CNOT1: variants seen among roughly 807,000 people sequenced by gnomAD.
The protein encoded by CNOT1 is CCR4-NOT transcription complex subunit 1, also known as CCR4-associated factor 1.
A neutral mutation model predicts 273.8 loss-of-function variants in CNOT1; 15 were observed. The observed-to-expected ratio is 0.05, with a 90% CI of 0.04 to 0.08. The LOEUF (loss-of-function observed/expected upper bound fraction) is 0.08. CNOT1 is among the 10% of genes least tolerant of loss of function. CNOT1 has a pLI of 1.00. For synonymous variants in CNOT1, 1,022 were observed against 1,005.5 expected, an observed-to-expected ratio of 1.02 and a Z score of -0.31; for missense variants, 1,644 against 2,912.2, an observed-to-expected ratio of 0.56 and a Z score of 10.02.
chr16:58,556,536 TA>T (rs576314282), intron 19 of CNOT1, among the ~76,000 whole-genome samples: 2 of 151,970 alleles, frequency 1.3e-5, no homozygotes, highest in East Asian at 3.9e-4. Flanking sequence ...TGACTTGCTT[TA>T]AAAAAAACTC....
intron 1 of CNOT1, among the ~76,000 whole-genome samples, chr16:58,627,236 G>T (rs747492752): frequency 6.6e-6 from 1 of 151,696 alleles, no homozygotes; most frequent in African/African-American, 2.4e-5. Flanking sequence ...GTGAAACCCT[G>T]TCTCTATTAA....
intron 16 of CNOT1, among the ~76,000 whole-genome samples, chr16:58,561,966 G>A (rs746039751): frequency 3.8e-4 from 58 of 152,072 alleles, no homozygotes; most frequent in Non-Finnish European, 7.5e-4. Flanking sequence ...CCTGAAGTCA[G>A]AAACTCAGGT....
chr16:58,591,209 C>G (rs1033158889), intron 2 of CNOT1, among the ~76,000 whole-genome samples: 2 of 152,130 alleles, frequency 1.3e-5, no homozygotes, highest in Non-Finnish European at 2.9e-5. Flanking sequence ...AGGGCCAGAT[C>G]ATGGTTAATG....
At chr16:58,605,364 G>A (rs759359877) in intron 1 of CNOT1, among the ~76,000 whole-genome samples, 3 of 152,020 alleles carry the variant, frequency 2.0e-5, no homozygotes, top group Non-Finnish European at 2.9e-5. Context: ...TTGGCCGGGT[G>A]TGGTGGTGCA....
At chr16:58,607,269 G>T (rs1002015471) in intron 1 of CNOT1, among the ~76,000 whole-genome samples, 3 of 152,172 alleles carry the variant, frequency 2.0e-5, no homozygotes, top group African/African-American at 7.2e-5. Context: ...CATGAAAGAT[G>T]GCTGGCCAGG....
At chr16:58,523,575 G>A in intron 46 of CNOT1, 73 bp from the exon 47 acceptor site, 2 of 1,438,034 alleles carry the variant, frequency 1.4e-6, no homozygotes, top group Non-Finnish European at 1.9e-6. Context: ...TAACTGGCTA[G>A]GGTTTGGGTT....
chr16:58,625,593 A>C (rs962238899), intron 1 of CNOT1, among the ~76,000 whole-genome samples: 1 of 152,114 alleles, frequency 6.6e-6, no homozygotes, highest in African/African-American at 2.4e-5. Context: ...CTGAGGCAGG[A>C]GAATCACTTG....
intron 18 of CNOT1, among the ~76,000 whole-genome samples, chr16:58,557,443 G>C (rs2040668431): frequency 6.6e-6 from 1 of 152,102 alleles, no homozygotes; most frequent in Admixed American, 6.5e-5. Context: ...TTGCTAGGAA[G>C]GCCTTAATAA....
intron 1 of CNOT1, among the ~76,000 whole-genome samples, chr16:58,605,595 A>T (rs931868497): frequency 1.3e-5 from 2 of 152,174 alleles, no homozygotes; most frequent in African/African-American, 4.8e-5. Context: ...TCAACATGGG[A>T]AACAACTATA....
Position 58,628,965 on chromosome 16 carries a change from A to G in CNOT1, c.-175+763T>C, listed in dbSNP as rs1414590324. ...GTGGATCTTATCAGCCTTGAGGCCT[A>G]CAAGTGCTCAGCTCACTAGCGGGAC... On this transcript the variant is annotated intron_variant, in intron 1 of 48. Transcript: ENST00000317147. 2.0e-5 allele frequency among the ~76,000 whole-genome samples: 3 copies of G among 152,244 alleles called. No individual in the cohort carries two copies. The South Asian group carries it at 6.2e-4, about 31-fold the overall frequency.
At chr16:58,589,618 C>A (rs1265572306) in intron 2 of CNOT1, among the ~76,000 whole-genome samples, 1 of 152,164 alleles carries the variant, frequency 6.6e-6, no homozygotes, top group Admixed American at 6.5e-5. Context: ...AACATCTACA[C>A]CAAAAACACC....
rs149959647 is a variant in CNOT1, at chr16:58,617,453, C to T, written c.-175+12275G>A. On this transcript the variant is annotated intron_variant, in intron 1 of 48. Coordinates refer to ENST00000317147, the MANE Select transcript of CNOT1 (RefSeq NM_016284.5). ...ATCCCAAATTTGAAAATCCAAAGTTCGAAAGACTCCAAAATCCAAAATGTT... is the reference window on the plus strand; with the variant it reads ...ATCCCAAATTTGAAAATCCAAAGTTTGAAAGACTCCAAAATCCAAAATGTT... Among the ~76,000 whole-genome samples the T allele has an allele frequency of 4.4e-3, 666 of 151,920 alleles. 16 individuals carry two copies. The highest frequency in any genetic ancestry group is 5.6e-3 in the East Asian group (29 of 5,166).
intron 16 of CNOT1, among the ~76,000 whole-genome samples, chr16:58,573,375 T>C (rs1358728698): frequency 1.3e-5 from 2 of 151,526 alleles, no homozygotes; most frequent in Non-Finnish European, 2.9e-5. Flanking sequence ...ACATCCCAGA[T>C]TCACGGATTA....
intron 42 of CNOT1, 140 bp downstream of exon 42, chr16:58,531,817 TG>T (rs1597405116): frequency 1.0e-6 from 1 of 1,003,612 alleles, no homozygotes; most frequent in East Asian, 2.6e-5. Context: ...TTGACTTGAG[TG>T]AACACTAAAT....
chr16:58,545,937 G>A (rs2040245464), intron 29 of CNOT1, among the ~76,000 whole-genome samples: 1 of 152,162 alleles, frequency 6.6e-6, no homozygotes. Flanking sequence ...TCTTCATGTA[G>A]ATAAAACAGT....
intron 44 of CNOT1, among the ~76,000 whole-genome samples, chr16:58,526,498 C>A (rs1316341705): frequency 7.5e-6 from 1 of 133,950 alleles, no homozygotes; most frequent in African/African-American, 2.9e-5. Context: ...GACCAGACAT[C>A]ACACTTACTC....
intron 25 of CNOT1, among the ~76,000 whole-genome samples, chr16:58,549,341 T>C (rs1478843768): frequency 7.1e-6 from 1 of 140,640 alleles, no homozygotes; most frequent in East Asian, 2.0e-4. Flanking sequence ...ATTATCATTA[T>C]CATGAATAAT....
chr16:58,549,234 C>T (rs893971308), intron 25 of CNOT1, among the ~76,000 whole-genome samples: 7 of 150,320 alleles, frequency 4.7e-5, no homozygotes, highest in African/African-American at 1.7e-4. Flanking sequence ...CTGCAGTGAG[C>T]CGAGATCGTG....
chr16:58,591,947 C>T (rs2042073789), intron 2 of CNOT1, among the ~76,000 whole-genome samples: 1 of 151,448 alleles, frequency 6.6e-6, no homozygotes, highest in Non-Finnish European at 1.5e-5. Flanking sequence ...TGCTAATGTC[C>T]CTCCTAATAT....
Sources: gnomAD v4.1 joint callset for allele counts (sites outside exome capture counted in the v4.1 genomes callset) on GRCh38, gnomAD v4.1.1 for gene constraint, MANE v1.5 for transcripts, NCBI Gene and HGNC (gene_info 2026-07-23, HGNC 2026-07-21) for gene names.